The following NFKB1 variants were observed in gnomAD, a reference collection of about 807,000 sequenced individuals.
NFKB1 encodes nuclear factor kappa B subunit 1, also known as nuclear factor NF-kappa-B p105 subunit.
NFKB1 carries 9 observed loss-of-function variants against 105.1 expected under a neutral mutation model. That is an observed-to-expected ratio of 0.09 (90% CI 0.05 to 0.15). The LOEUF (loss-of-function observed/expected upper bound fraction) is 0.15, where lower values mean the gene tolerates loss of function less well. NFKB1 is among the 10% of genes least tolerant of loss of function. The pLI is 1.00. For synonymous variants in NFKB1, 440 were observed against 442.2 expected, an observed-to-expected ratio of 1.00 and a Z score of 0.06; for missense variants, 830 against 1,203.7, an observed-to-expected ratio of 0.69 and a Z score of 4.59.
chr4:102,583,098 A>G (rs568210911), intron 10 of NFKB1, 141 bp downstream of exon 10: 46 of 518,426 alleles, frequency 8.9e-5, no homozygotes, highest in Non-Finnish European at 1.4e-4. Flanking sequence ...TCCTGTCTCA[A>G]CCTACCAAAT....
At chr4:102,516,342 A>AT (rs141131947) in intron 1 of NFKB1, among the ~76,000 whole-genome samples, 13,708 of 151,858 alleles carry the variant, frequency 0.09, 966 homozygotes, top group African/African-American at 0.2. Context: ...TTTTTTGAAT[A>AT]TTTTTTCTGT....
rs781541533 is a variant in NFKB1, at chr4:102,525,542, G to A, written c.24G>A (p.Leu8=). The change falls in exon 2 of 24, where the codon TTG becomes TTA. Residue 8 remains leucine (L), a synonymous_variant. Coordinates refer to ENST00000226574, the MANE Select transcript of NFKB1 (RefSeq NM_003998.4). MAEDDPY[L]GRPEQMFHLD... ...GAATGGCAGAAGATGATCCATATTT[G>A]GGAAGGCCTGAACAAGTAAGTGTCA... 4.2e-5 allele frequency: 68 copies of A among 1,613,066 alleles called. 1 individual carries two copies. The South Asian group carries it at 6.9e-4, about 16-fold the overall frequency.
chr4:102,561,925 C>T (rs1336869585), intron 5 of NFKB1, among the ~76,000 whole-genome samples: 1 of 152,162 alleles, frequency 6.6e-6, no homozygotes, highest in African/African-American at 2.4e-5. Flanking sequence ...CTTCCAATCA[C>T]ATTTCAGAAA....
chr4:102,542,600 C>T (rs1041072476), intron 5 of NFKB1, among the ~76,000 whole-genome samples: 8 of 152,154 alleles, frequency 5.3e-5, no homozygotes, highest in Admixed American at 1.3e-4. Flanking sequence ...CTTAGGTAAG[C>T]TGCTACTCTG....
chr4:102,592,293 G>A (rs1227964558), intron 11 of NFKB1, among the ~76,000 whole-genome samples: 1 of 152,226 alleles, frequency 6.6e-6, no homozygotes, highest in Non-Finnish European at 1.5e-5. Context: ...AGTGTGGAAA[G>A]AAGTTAAAAC....
chr4:102,526,177 CT>C (rs1243110207), intron 2 of NFKB1, among the ~76,000 whole-genome samples: 1 of 152,154 alleles, frequency 6.6e-6, no homozygotes, highest in East Asian at 1.9e-4. Context: ...TGCGAAGACC[CT>C]ATTTCCAAAT....
chr4:102,608,278 A>G (rs1341360406), intron 19 of NFKB1, among the ~76,000 whole-genome samples: 20 of 152,214 alleles, frequency 1.3e-4, no homozygotes, highest in Non-Finnish European at 1.6e-4. Context: ...GCACTGTGAT[A>G]TGCACTTTAT....
At chr4:102,515,624 A>G (rs993493975) in intron 1 of NFKB1, among the ~76,000 whole-genome samples, 2 of 152,148 alleles carry the variant, frequency 1.3e-5, no homozygotes, top group Non-Finnish European at 2.9e-5. Flanking sequence ...TGTTTATTAC[A>G]ATATGCATCT....
intron 5 of NFKB1, among the ~76,000 whole-genome samples, chr4:102,552,262 C>T (rs1279911364): frequency 2.0e-5 from 3 of 152,084 alleles, no homozygotes; most frequent in African/African-American, 7.2e-5. Flanking sequence ...AATTTATAGC[C>T]TGGAGGATTT....
Position 102,606,505 on chromosome 4 carries a change from C to T in NFKB1, c.1762C>T (p.His588Tyr), listed in dbSNP as rs1259119314. ...MRNDLYQTPL[H>Y]LAVITKQEDV... is the part of the protein sequence containing the mutation. ...CCCTTTCACTTTCCAGACGCCCTTG[C>T]ACTTGGCAGTGATCACTAAGCAGGA... The change falls in exon 17 of 24, where the codon CAC becomes TAC. Residue 588 changes from histidine to tyrosine, a missense_variant. This residue lies in a region of NFKB1 where 418 missense variants were observed against 575.3 expected (regional missense o/e 0.73). Transcript: ENST00000226574. 2 of 1,613,906 alleles carry T rather than the reference C, an allele frequency of 1.2e-6. No individual in the cohort carries two copies. Among genetic ancestry groups the T allele is most frequent in the Admixed American group, 1.7e-5 (1 of 59,992 alleles).
chr4:102,544,462 C>T (rs1721973942), intron 5 of NFKB1, among the ~76,000 whole-genome samples: 1 of 152,012 alleles, frequency 6.6e-6, no homozygotes, highest in African/African-American at 2.4e-5. Context: ...CATGCATTTG[C>T]AGATTAAGCA....
rs181362208 is a variant in NFKB1 at position 102,563,937 on chromosome 4, G to A, written c.259-3050G>A. The stretch of plus-strand genomic sequence containing the variant: ...CCTGGGTTCAAGTGATTCTCCTGCC[G>A]CCTGCCGAATAGCTGGGATTACAGG... On this transcript the variant is annotated intron_variant, in intron 5 of 23. Coordinates refer to ENST00000226574, the MANE Select transcript of NFKB1 (RefSeq NM_003998.4). 1.8e-4 allele frequency among the ~76,000 whole-genome samples: 27 copies of A among 149,320 alleles called. No individual in the cohort carries two copies. In the East Asian group the frequency reaches 3.0e-3, roughly 17 times the overall value.
Position 102,591,346 on chromosome 4 carries a change from G to C in NFKB1, c.1067-2079G>C, listed in dbSNP as rs184267814. 3.3e-5 allele frequency among the ~76,000 whole-genome samples: 5 copies of C among 150,714 alleles called. No homozygotes were observed. In the East Asian group the frequency reaches 9.8e-4, roughly 29 times the overall value. On this transcript the variant is annotated intron_variant, in intron 11 of 23. Coordinates refer to ENST00000226574, the MANE Select transcript of NFKB1 (RefSeq NM_003998.4). ...GAGGTGGGAGGATCACTTGAACACA[G>C]AAGGTCGAGGCTGCAGTGAGCTATA... is the stretch of plus-strand genomic sequence containing the variant.
intron 16 of NFKB1, among the ~76,000 whole-genome samples, chr4:102,602,259 G>A (rs1054649174): frequency 1.3e-5 from 2 of 151,382 alleles, no homozygotes; most frequent in Admixed American, 6.6e-5. Context: ...GGCTGGGTGC[G>A]GTGGCTCACA....
chr4:102,609,325 G>A (rs1194688400), intron 19 of NFKB1, among the ~76,000 whole-genome samples: 3 of 151,870 alleles, frequency 2.0e-5, no homozygotes, highest in Non-Finnish European at 2.9e-5. Flanking sequence ...GAAAAGGTCA[G>A]TTAAGTCCGA....
At chr4:102,542,339 T>C (rs1289295952) in intron 5 of NFKB1, among the ~76,000 whole-genome samples, 1 of 152,222 alleles carries the variant, frequency 6.6e-6, no homozygotes, top group Non-Finnish European at 1.5e-5. Context: ...AGCTTTCTGA[T>C]ATCTTGCTGT....
intron 3 of NFKB1, among the ~76,000 whole-genome samples, chr4:102,530,441 G>T (rs993422898): frequency 2.0e-5 from 3 of 151,952 alleles, no homozygotes; most frequent in African/African-American, 2.4e-5. Context: ...TAATTGTGCC[G>T]ATTGGCAACT....
At chr4:102,515,171 C>T (rs1452216140) in intron 1 of NFKB1, among the ~76,000 whole-genome samples, 2 of 127,206 alleles carry the variant, frequency 1.6e-5, no homozygotes, top group African/African-American at 5.9e-5. Flanking sequence ...AGTGCAGTGG[C>T]GGGATCTCGG....
At chr4:102,605,110 C>T (rs1560714904) in intron 16 of NFKB1, among the ~76,000 whole-genome samples, 1 of 151,990 alleles carries the variant, frequency 6.6e-6, no homozygotes, top group African/African-American at 2.4e-5. Flanking sequence ...TTCCTTTTCC[C>T]ATCTCCCCAA....
Sources: gnomAD v4.1 joint callset for allele counts (sites outside exome capture counted in the v4.1 genomes callset) on GRCh38, gnomAD v4.1.1 for gene constraint, gnomAD v4.1.1 regional missense constraint, MANE v1.5 for transcripts, NCBI Gene and HGNC (gene_info 2026-07-23, HGNC 2026-07-21) for gene names.